Variants in NRROS observed in about 807,000 individuals in gnomAD.
The protein encoded by NRROS is negative regulator of reactive oxygen species.
In NRROS, 6 loss-of-function variants were observed where a neutral mutation model predicts 12.0. That is an observed-to-expected ratio of 0.50 (90% CI 0.27 to 0.98). The LOEUF (loss-of-function observed/expected upper bound fraction) is 0.98. Among genes scored for constraint, NRROS ranks in the 50% least tolerant of loss-of-function variants. The pLI is 0.11. For missense variants in NRROS, 857 were observed against 888.2 expected, an observed-to-expected ratio of 0.96 and a Z score of 0.45; for synonymous variants, 462 against 410.2, an observed-to-expected ratio of 1.13 and a Z score of -1.53.
At chr3:196,659,062 G>T (rs1424913177) in intron 2 of NRROS, among the ~76,000 whole-genome samples, 1 of 152,150 alleles carries the variant, frequency 6.6e-6, no homozygotes, top group Non-Finnish European at 1.5e-5. Flanking sequence ...TGCAAAGCGT[G>T]GGGTGAATTA....
At chr3:196,648,973 C>T (rs1237159517) in intron 1 of NRROS, among the ~76,000 whole-genome samples, 1 of 152,112 alleles carries the variant, frequency 6.6e-6, no homozygotes, top group Non-Finnish European at 1.5e-5. Context: ...CAGAGGCTTT[C>T]CTCATGACTG....
chr3:196,657,598 G>A (rs71323739), intron 2 of NRROS, among the ~76,000 whole-genome samples: 3 of 151,534 alleles, frequency 2.0e-5, no homozygotes, highest in East Asian at 1.9e-4. Flanking sequence ...TCCCAGCTAC[G>A]TGGGAGGCTA....
At chr3:196,645,609 G>A (rs1737292926) in intron 1 of NRROS, among the ~76,000 whole-genome samples, 1 of 152,142 alleles carries the variant, frequency 6.6e-6, no homozygotes, top group Non-Finnish European at 1.5e-5. Context: ...TGCAGACCTC[G>A]AACACCACTG....
Position 196,654,910 on chromosome 3 carries a change from A to G in NRROS, c.108+263A>G, listed in dbSNP as rs994525651. ...GAGGCATCCGAGACCAGCCTAGGGC[A>G]TCCTCCCGGAACAAGAACAACTTGT... On this transcript the variant is annotated intron_variant, in intron 2 of 2. Coordinates refer to ENST00000328557, the MANE Select transcript of NRROS (RefSeq NM_198565.3). The surrounding 1 kb of genome is among the most constrained non-coding windows in gnomAD (Gnocchi z 4.4). The G allele has an allele frequency of 9.0e-5, 36 of 399,670 alleles. No individual in the cohort carries two copies. Among genetic ancestry groups the G allele is most frequent in the Non-Finnish European group, 5.4e-5 (12 of 223,310 alleles). The allele number at this position is 399,670 out of a possible 1,614,324, so 24.8% of individuals were successfully genotyped here.
chr3:196,660,759 C>T lies in NRROS; in HGVS notation c.1116C>T (p.His372=), dbSNP rs142155131. ...NCLMTLHIRE[H]EPPGALTELD... ...TGATGACGCTTCACATTCGGGAGCACGAGCCCCCCGGAGCGCTCACCGAGC... is the reference window on the plus strand; with the variant it reads ...TGATGACGCTTCACATTCGGGAGCATGAGCCCCCCGGAGCGCTCACCGAGC... Residue 372 remains histidine (H), a synonymous_variant, in exon 3 of 3, where the codon CAC becomes CAT. Transcript: ENST00000328557. The surrounding 1 kb of genome is among the most constrained non-coding windows in gnomAD (Gnocchi z 7.7). 7 of 1,613,768 alleles carry T rather than the reference C, an allele frequency of 4.3e-6. No individual in the cohort carries two copies. Among genetic ancestry groups the T allele is most frequent in the African/African-American group, 4.0e-5 (3 of 74,924 alleles).
chr3:196,658,831 G>A (rs7645195), intron 2 of NRROS, among the ~76,000 whole-genome samples: 118,107 of 152,096 alleles, frequency 0.78, 46,427 homozygotes, highest in East Asian at 0.98. Flanking sequence ...TTAGCTGGGC[G>A]TGGTGGCATG....
Position 196,647,324 on chromosome 3 carries a change from A to G in NRROS, c.-13-7203A>G, listed in dbSNP as rs182496016. Among the ~76,000 whole-genome samples, 6 of 152,310 alleles carry G rather than the reference A, an allele frequency of 3.9e-5. No homozygotes were observed. In the East Asian group the frequency reaches 1.2e-3, roughly 29 times the overall value. The stretch of plus-strand genomic sequence containing the variant: ...CTGTTCTACCTGCAGGGTGTGAGAC[A>G]GTTCTTAGGGGGGGAGAAGTCAAAA... On this transcript the variant is annotated intron_variant, in intron 1 of 2. Coordinates refer to ENST00000328557, the MANE Select transcript of NRROS (RefSeq NM_198565.3).
At chr3:196,656,486 C>A (rs966780096) in intron 2 of NRROS, among the ~76,000 whole-genome samples, 8 of 152,192 alleles carry the variant, frequency 5.3e-5, no homozygotes, top group African/African-American at 1.9e-4. Context: ...ATAATAATAT[C>A]TACCAATAAC....
At position 196,660,664 on chromosome 3, in the gene NRROS, C is replaced by T; in HGVS notation, c.1021C>T (p.Gln341Ter). 6.2e-7 allele frequency: 1 copy of T among 1,614,224 alleles called. No individual in the cohort carries two copies. Among genetic ancestry groups the T allele is most frequent in the Non-Finnish European group, 8.5e-7 (1 of 1,180,032 alleles). Residue 341 changes from glutamine to a stop codon, truncating the protein, a stop_gained, in exon 3 of 3, where the codon CAG becomes TAG. Transcript: ENST00000328557. LOFTEE classifies it low-confidence loss of function (END_TRUNC). The surrounding 1 kb of genome is among the most constrained non-coding windows in gnomAD (Gnocchi z 7.7). Reference sequence around the variant, plus strand: ...CCTGGACATGAGCCAGAACCAGTTCCAGTACCTGCCAGACGGCTTCCTGAG... The same window carrying T: ...CCTGGACATGAGCCAGAACCAGTTCTAGTACCTGCCAGACGGCTTCCTGAG... ...RFLDMSQNQFQYLPDGFLRKM... is the reference protein window; with the variant it reads ...RFLDMSQNQF
Position 196,652,684 on chromosome 3 carries a change from C to T in NRROS, c.-13-1843C>T, listed in dbSNP as rs112679119. On this transcript the variant is annotated intron_variant, in intron 1 of 2. Transcript: ENST00000328557. ...CTTGATGACCCATAAATTAAAATGC[C>T]CCTCCTGAGTGTGACACAAGGCCTG... 4.3e-3 allele frequency among the ~76,000 whole-genome samples: 654 copies of T among 152,212 alleles called. 8 individuals carry two copies. The highest frequency in any genetic ancestry group is 0.015 in the African/African-American group (622 of 41,532).
At chr3:196,653,454 C>T (rs1737472225) in intron 1 of NRROS, among the ~76,000 whole-genome samples, 1 of 152,228 alleles carries the variant, frequency 6.6e-6, no homozygotes, top group Non-Finnish European at 1.5e-5. Flanking sequence ...GCTGGTGCCG[C>T]TGGCCCAGGA....
At chr3:196,641,489 G>A (rs1351101202) in intron 1 of NRROS, among the ~76,000 whole-genome samples, 5 of 152,168 alleles carry the variant, frequency 3.3e-5, no homozygotes, top group Non-Finnish European at 7.3e-5. Flanking sequence ...TGCTGGGAGT[G>A]TGGGCGTGAG....
Position 196,659,935 on chromosome 3 carries a change from C to A in NRROS, c.292C>A (p.Arg98Ser). ...CAGCTGCCACCTGGAGCGCATCAGCCGCGGCGCCTTCCAGGAGCAAGGTCA... is the reference window on the plus strand; with the variant it reads ...CAGCTGCCACCTGGAGCGCATCAGCAGCGGCGCCTTCCAGGAGCAAGGTCA... ...LHSCHLERIS[R>S]GAFQEQGHLR... The change falls in exon 3 of 3, where the codon CGC becomes AGC. Residue 98 changes from arginine to serine, a missense_variant. Coordinates refer to ENST00000328557, the MANE Select transcript of NRROS (RefSeq NM_198565.3). 6.2e-7 allele frequency: 1 copy of A among 1,614,066 alleles called. No individual in the cohort carries two copies. Among genetic ancestry groups the A allele is most frequent in the East Asian group, 2.2e-5 (1 of 44,874 alleles).
chr3:196,646,531 G>T (rs991426293), intron 1 of NRROS, among the ~76,000 whole-genome samples: 1 of 152,200 alleles, frequency 6.6e-6, no homozygotes, highest in Admixed American at 6.5e-5. Flanking sequence ...GGAACAGGAC[G>T]AGGTGGGCTG....
In NRROS at chr3:196,660,100, C is replaced by T; in HGVS notation, c.457C>T (p.Leu153Phe). The T allele has an allele frequency of 6.2e-7, 1 of 1,613,132 alleles. No individual in the cohort carries two copies. Among genetic ancestry groups the T allele is most frequent in the Non-Finnish European group, 8.5e-7 (1 of 1,179,946 alleles). The change falls in exon 3 of 3, where the codon CTC (leucine) becomes TTC (phenylalanine). Residue 153 changes from leucine to phenylalanine, a missense_variant. Physicochemically the swap from Leu to Phe is conservative, Grantham distance 22. Coordinates refer to ENST00000328557, the MANE Select transcript of NRROS (RefSeq NM_198565.3). This position sits in a 1 kb window ranked among gnomAD's most constrained non-coding sequence, Gnocchi z 7.7. ...GACGGAGGACATGGCAGCCCTCATG[C>T]TCCAGAACCTCTCCTCGCTGCGGTC... Reference protein sequence around the residue: ...ALTEDMAALMLQNLSSLRSVS... With the variant: ...ALTEDMAALMFQNLSSLRSVS...
rs1737493395 is a variant in NRROS, at chr3:196,654,442, G to A, written c.-13-85G>A. On this transcript the variant is annotated intron_variant, in intron 1 of 2. Transcript: ENST00000328557. This position sits in a 1 kb window ranked among gnomAD's most constrained non-coding sequence, Gnocchi z 4.4. ...CAGAGCTCCAAGACCACATAGAATT[G>A]GAACTGGCTCCTTCTGCCGATAATA... 1.2e-6 allele frequency: 1 copy of A among 820,144 alleles called. No homozygotes were observed. The highest frequency in any genetic ancestry group is 2.2e-6 in the Non-Finnish European group (1 of 461,240). The allele number at this position is 820,144 out of a possible 1,614,324, so 50.8% of individuals were successfully genotyped here.
In NRROS at chr3:196,660,060, G is replaced by C; in HGVS notation, c.417G>C (p.Leu139Phe). 1 of 1,613,256 alleles carries C rather than the reference G, an allele frequency of 6.2e-7. No homozygotes were observed. Among genetic ancestry groups the C allele is most frequent in the Non-Finnish European group, 8.5e-7 (1 of 1,179,956 alleles). Residue 139 changes from leucine to phenylalanine, a missense_variant, in exon 3 of 3, where the codon TTG becomes TTC. Physicochemically the swap from Leu to Phe is conservative, Grantham distance 22. Transcript: ENST00000328557. The surrounding 1 kb of genome is among the most constrained non-coding windows in gnomAD (Gnocchi z 7.7). Reference protein sequence around the residue: ...HALPGLRRLDLSGNALTEDMA... With the variant: ...HALPGLRRLDFSGNALTEDMA... ...TGCCGGGCCTGCGGAGGCTGGACTT[G>C]TCAGGAAACGCCCTGACGGAGGACA...
intron 1 of NRROS, among the ~76,000 whole-genome samples, chr3:196,647,252 T>C (rs1449394369): frequency 6.6e-6 from 1 of 152,256 alleles, no homozygotes; most frequent in Non-Finnish European, 1.5e-5. Flanking sequence ...TTTCAAGGTC[T>C]TTGATAAATT....
rs932793777 is a variant in NRROS, at chr3:196,660,995, G to C, written c.1352G>C (p.Gly451Ala). ...CPLPAASDRVGPPSCVDFRNM... is the reference protein window; with the variant it reads ...CPLPAASDRVAPPSCVDFRNM... ...CTGCCAGCTGCCTCGGACCGGGTGGGCCCCCCTAGCTGTGTGGATTTCAGG... is the reference window on the plus strand; with the variant it reads ...CTGCCAGCTGCCTCGGACCGGGTGGCCCCCCCTAGCTGTGTGGATTTCAGG... The change falls in exon 3 of 3, where the codon GGC becomes GCC. Residue 451 changes from glycine (G) to alanine (A), a missense_variant. Physicochemically the swap from Gly to Ala is moderately conservative, Grantham distance 60. Transcript: ENST00000328557. This position sits in a 1 kb window ranked among gnomAD's most constrained non-coding sequence, Gnocchi z 7.7. The C allele has an allele frequency of 6.2e-7, 1 of 1,614,006 alleles. No individual in the cohort carries two copies. The highest frequency in any genetic ancestry group is 1.1e-5 in the South Asian group (1 of 91,088).
Sources: allele counts gnomAD v4.1 joint callset (sites outside exome capture counted in the v4.1 genomes callset), GRCh38; gene constraint gnomAD v4.1.1; non-coding constraint Gnocchi (gnomAD v3.1); transcripts MANE v1.5; gene names NCBI Gene and HGNC (gene_info 2026-07-23, HGNC 2026-07-21).